The following MTCL3 variants were observed in gnomAD, a reference collection of about 807,000 sequenced individuals.
MTCL3 encodes the protein MTCL family member 3.
chr6:127,484,681 G>A, the MTCL3 span, among the ~76,000 whole-genome samples: 1 of 152,092 alleles, frequency 6.6e-6, no homozygotes, highest in Non-Finnish European at 1.5e-5. Context: ...TTGCTCTTTT[G>A]GGGGTTCTCA....
chr6:127,492,584 G>A, the MTCL3 span, among the ~76,000 whole-genome samples: 8 of 152,114 alleles, frequency 5.3e-5, no homozygotes, highest in African/African-American at 1.2e-4. Flanking sequence ...GCAGTGGCCC[G>A]ATCTCGGCTC....
the MTCL3 span, among the ~76,000 whole-genome samples, chr6:127,507,460 T>C: frequency 6.6e-6 from 1 of 152,224 alleles, no homozygotes; most frequent in African/African-American, 2.4e-5. Context: ...TAATGGGGGC[T>C]TGGCATCTGG....
the MTCL3 span, chr6:127,512,812 A>C: frequency 7.4e-7 from 1 of 1,356,764 alleles, no homozygotes; most frequent in Non-Finnish European, 9.9e-7. Flanking sequence ...GAAATTTTTT[A>C]ACAGTCATAT....
chr6:127,485,893 C>A, the MTCL3 span, among the ~76,000 whole-genome samples: 1 of 152,088 alleles, frequency 6.6e-6, no homozygotes, highest in South Asian at 2.1e-4. Context: ...TTCAAGAGAA[C>A]TGACTTTTGA....
the MTCL3 span, chr6:127,475,718 G>A: frequency 6.3e-7 from 1 of 1,588,518 alleles, no homozygotes; most frequent in Non-Finnish European, 8.5e-7. This position sits in a 1 kb window ranked among gnomAD's most constrained non-coding sequence, Gnocchi z 7.3. Flanking sequence ...CGCTTGCGGT[G>A]CGGAGGCCGC....
chr6:127,491,506 T>G, the MTCL3 span, among the ~76,000 whole-genome samples: 1 of 152,224 alleles, frequency 6.6e-6, no homozygotes, highest in African/African-American at 2.4e-5. Context: ...TATACTTTTT[T>G]TAGATACCAT....
the MTCL3 span, among the ~76,000 whole-genome samples, chr6:127,486,153 A>G: frequency 6.6e-6 from 1 of 152,192 alleles, no homozygotes; most frequent in Non-Finnish European, 1.5e-5. Flanking sequence ...AGCAATGCTG[A>G]AATTAGGGCA....
the MTCL3 span, among the ~76,000 whole-genome samples, chr6:127,501,274 T>G: frequency 6.6e-6 from 1 of 152,234 alleles, no homozygotes; most frequent in Admixed American, 6.5e-5. Flanking sequence ...GCCATACCGC[T>G]AAATGAATAA....
At chr6:127,516,822 A>C in the MTCL3 span, 1 of 846,382 alleles carries the variant, frequency 1.2e-6, no homozygotes, top group Non-Finnish European at 1.7e-6. Flanking sequence ...AATAGGATGC[A>C]GGGCTGTCTT....
At chr6:127,517,062 A>G in the MTCL3 span, among the ~76,000 whole-genome samples, 5 of 152,236 alleles carry the variant, frequency 3.3e-5, no homozygotes, top group Non-Finnish European at 7.3e-5. Context: ...AAAGATATCC[A>G]TATATTAGAG....
At chr6:127,505,070 T>C in the MTCL3 span, among the ~76,000 whole-genome samples, 1 of 152,214 alleles carries the variant, frequency 6.6e-6, no homozygotes, top group Non-Finnish European at 1.5e-5. Context: ...ACATGGTCTT[T>C]GTAGCTTCCT....
At chr6:127,478,537 G>A in the MTCL3 span, among the ~76,000 whole-genome samples, 1 of 152,304 alleles carries the variant, frequency 6.6e-6, no homozygotes, top group South Asian at 2.1e-4. Context: ...TTCCAGTGGA[G>A]GGATACAGGG....
chr6:127,512,847 G>A, the MTCL3 span: 1 of 1,528,800 alleles, frequency 6.5e-7, no homozygotes, highest in Non-Finnish European at 8.8e-7. Flanking sequence ...CTTTTTTAAA[G>A]GGCTAAAAAT....
the MTCL3 span, chr6:127,515,964 A>G: frequency 1.9e-6 from 3 of 1,602,042 alleles, no homozygotes; most frequent in Middle Eastern, 1.7e-4. This position sits in a 1 kb window ranked among gnomAD's most constrained non-coding sequence, Gnocchi z 4.3. Flanking sequence ...AGGAGGATGG[A>G]GAAGGGGAGG....
the MTCL3 span, among the ~76,000 whole-genome samples, chr6:127,501,915 A>T: frequency 6.6e-6 from 1 of 152,234 alleles, no homozygotes; most frequent in East Asian, 1.9e-4. Flanking sequence ...TTCAACATAT[A>T]ACTGAAATTT....
chr6:127,516,360 G>A, the MTCL3 span: 5 of 1,599,096 alleles, frequency 3.1e-6, no homozygotes, highest in Admixed American at 8.3e-5. Flanking sequence ...TGCGGCTCCC[G>A]GTCTTGTTAC....
the MTCL3 span, among the ~76,000 whole-genome samples, chr6:127,489,511 T>C: frequency 6.6e-6 from 1 of 152,254 alleles, no homozygotes; most frequent in African/African-American, 2.4e-5. Flanking sequence ...CACCTAGGCC[T>C]CTTAGCCAAG....
At chr6:127,475,794 G>A in the MTCL3 span, 2 of 1,611,644 alleles carry the variant, frequency 1.2e-6, no homozygotes, top group Non-Finnish European at 1.7e-6. The surrounding 1 kb of genome is among the most constrained non-coding windows in gnomAD (Gnocchi z 7.3). Context: ...GGCTGCCGCG[G>A]ATGCCCAGGT....
chr6:127,511,133 C>A, the MTCL3 span, among the ~76,000 whole-genome samples: 1 of 152,176 alleles, frequency 6.6e-6, no homozygotes, highest in Non-Finnish European at 1.5e-5. Flanking sequence ...ATGAAGATGG[C>A]CATCTACAAG....
Sources: allele counts gnomAD v4.1 joint callset (sites outside exome capture counted in the v4.1 genomes callset), GRCh38; gene constraint gnomAD v4.1.1; non-coding constraint Gnocchi (gnomAD v3.1); transcripts MANE v1.5; gene names NCBI Gene and HGNC (gene_info 2026-07-23, HGNC 2026-07-21).